CERS4: variants seen among roughly 807,000 people sequenced by gnomAD.
The protein encoded by CERS4 is LAG1 homolog, ceramide synthase 4.
A neutral mutation model predicts 51.8 loss-of-function variants in CERS4; 65 were observed. The ratio of observed to expected loss-of-function variants is 1.26; its 90% confidence interval spans 1.03 to 1.54. The LOEUF (loss-of-function observed/expected upper bound fraction) is 1.54, where lower values mean the gene tolerates loss of function less well. Among genes scored for constraint, CERS4 ranks in the 40% most tolerant of loss-of-function variants. The pLI is 0.00. For synonymous variants in CERS4, 228 were observed against 208.4 expected, an observed-to-expected ratio of 1.09 and a Z score of -0.81; for missense variants, 563 against 500.4, an observed-to-expected ratio of 1.13 and a Z score of -1.19.
At chr19:8,238,485 C>A in intron 2 of CERS4, 1 of 984,658 alleles carries the variant, frequency 1.0e-6, no homozygotes, top group Non-Finnish European at 1.2e-6. Flanking sequence ...GGGAATCATA[C>A]CATCTGGATG....
rs370770957 is a variant in CERS4, at chr19:8,255,811, C to G, written c.411-11C>G. ...TGTCTGCTATTTTCACAGCTCCCTC[C>G]CCATCCACAGCTGGAGGTTTCTCTT... On this transcript the variant is annotated splice_polypyrimidine_tract_variant and intron_variant, in intron 5 of 11. Coordinates refer to ENST00000251363, the MANE Select transcript of CERS4 (RefSeq NM_024552.3). 32 of 1,613,810 alleles carry G rather than the reference C, an allele frequency of 2.0e-5. No homozygotes were observed. The highest frequency in any genetic ancestry group is 2.6e-5 in the Non-Finnish European group (31 of 1,180,004).
chr19:8,245,243 A>T (rs139284140), intron 2 of CERS4, among the ~76,000 whole-genome samples: 2,197 of 148,404 alleles, frequency 0.015, 24 homozygotes, highest in Middle Eastern at 0.045. Flanking sequence ...ATATATTTTT[A>T]TTTTTTATTG....
intron 2 of CERS4, among the ~76,000 whole-genome samples, chr19:8,236,456 CCAAGG>C: frequency 6.6e-6 from 1 of 151,880 alleles, no homozygotes. Context: ...CTTTGGGAGG[CCAAGG>C]CAAGAGGAAC....
intron 2 of CERS4, among the ~76,000 whole-genome samples, chr19:8,234,033 G>A (rs917100058): frequency 3.3e-5 from 5 of 152,050 alleles, no homozygotes; most frequent in South Asian, 2.1e-4. Flanking sequence ...TCGGCTGGGC[G>A]TGGTGGCTCA....
intron 7 of CERS4, 95 bp from the exon 8 acceptor site, chr19:8,256,523 C>G: frequency 8.2e-7 from 1 of 1,223,550 alleles, no homozygotes; most frequent in Admixed American, 2.2e-5. Flanking sequence ...ATTCAAGTAT[C>G]CTGGTTTTGA....
At chr19:8,260,096 T>G (rs1356619683) in intron 10 of CERS4, among the ~76,000 whole-genome samples, 1 of 151,926 alleles carries the variant, frequency 6.6e-6, no homozygotes, top group Non-Finnish European at 1.5e-5. Flanking sequence ...CAACCTGTTG[T>G]GCCAGCTGGT....
intron 2 of CERS4, among the ~76,000 whole-genome samples, chr19:8,218,612 G>A (rs915016484): frequency 3.3e-5 from 5 of 152,148 alleles, no homozygotes; most frequent in African/African-American, 4.8e-5. Flanking sequence ...GGGAGCCTCC[G>A]AGGAGATCTT....
chr19:8,211,354 C>T (rs1395402004), intron 2 of CERS4, among the ~76,000 whole-genome samples: 1 of 152,154 alleles, frequency 6.6e-6, no homozygotes, highest in Non-Finnish European at 1.5e-5. Context: ...ACAAGCTTCT[C>T]CCTTTCCGAC....
intron 3 of CERS4, among the ~76,000 whole-genome samples, chr19:8,253,398 C>T (rs1003254139): frequency 6.6e-6 from 1 of 151,604 alleles, no homozygotes; most frequent in African/African-American, 2.4e-5. Context: ...TACCTGGGTA[C>T]CCCAAGAGTT....
chr19:8,250,354 TAAC>T (rs1209808622), intron 2 of CERS4, among the ~76,000 whole-genome samples: 2 of 152,218 alleles, frequency 1.3e-5, no homozygotes, highest in African/African-American at 4.8e-5. Flanking sequence ...TGCAGAGTAA[TAAC>T]TACTATTTTG....
intron 2 of CERS4, among the ~76,000 whole-genome samples, chr19:8,231,851 A>ATTTTTTTTTTTT (rs3042169): frequency 4.1e-4 from 43 of 104,402 alleles, no homozygotes; most frequent in African/African-American, 5.0e-4. Flanking sequence ...TGTGCCCAGC[A>ATTTTTTTTTTTT]TTTTTTTTTT....
chr19:8,237,987 C>A (rs1325425546), intron 2 of CERS4, among the ~76,000 whole-genome samples: 3 of 152,100 alleles, frequency 2.0e-5, no homozygotes, highest in Admixed American at 6.6e-5. Context: ...CCTCACACTC[C>A]CACGTGTATA....
chr19:8,213,862 A>G (rs1236111588), intron 2 of CERS4, among the ~76,000 whole-genome samples: 1 of 152,146 alleles, frequency 6.6e-6, no homozygotes, highest in Non-Finnish European at 1.5e-5. Context: ...GCTACTTGGG[A>G]GGTTGAGACA....
chr19:8,254,537 G>A lies in CERS4; in HGVS notation c.212G>A (p.Arg71Lys), dbSNP rs759103145. The change falls in exon 4 of 12, where the codon AGG becomes AAG. Residue 71 changes from arginine to lysine, a missense_variant. Physicochemically the swap from Arg to Lys is conservative, Grantham distance 26. Coordinates refer to ENST00000251363, the MANE Select transcript of CERS4 (RefSeq NM_024552.3). ...GLPLSRWLGV[R>K]DQTRRQVKPN... ...CCCCTGAGCCGGTGGCTGGGTGTGA[G>A]GGATCAGACCAGGAGGCAAGTGAAG... The A allele has an allele frequency of 4.3e-6, 7 of 1,613,662 alleles. No homozygotes were observed. Among genetic ancestry groups the A allele is most frequent in the Non-Finnish European group, 5.9e-6 (7 of 1,179,974 alleles).
At chr19:8,255,999 C>A (rs149921379) in intron 6 of CERS4, 120 bp downstream of exon 6, 20,391 of 1,165,240 alleles carry the variant, frequency 0.017, 240 homozygotes, top group Non-Finnish European at 0.022. Flanking sequence ...GAGGAGAGAG[C>A]GAGCTTTGCA....
chr19:8,261,862 CG>C lies in CERS4; in HGVS notation c.1005+23del, dbSNP rs766530639. 1 of 1,613,880 alleles carries C rather than the reference CG, an allele frequency of 6.2e-7. No homozygotes were observed. The highest frequency in any genetic ancestry group is 8.5e-7 in the Non-Finnish European group (1 of 1,179,812). On this transcript the variant is annotated intron_variant, in intron 11 of 11. Coordinates refer to ENST00000251363, the MANE Select transcript of CERS4 (RefSeq NM_024552.3). ...AGGGCCAGGTATGGCTGGACCTCCC[CG>C]GGGGCCCCAGCCCTAAGCTCCTCCT...
chr19:8,232,288 C>G (rs116275302), intron 2 of CERS4, among the ~76,000 whole-genome samples: 2,059 of 151,780 alleles, frequency 0.014, 40 homozygotes, highest in African/African-American at 0.047. Context: ...AATTTTATTT[C>G]TTTTTTCTTT....
At chr19:8,248,010 A>G (rs976851748) in intron 2 of CERS4, among the ~76,000 whole-genome samples, 1 of 152,174 alleles carries the variant, frequency 6.6e-6, no homozygotes, top group Non-Finnish European at 1.5e-5. Flanking sequence ...CTGGGATTAC[A>G]GGTGTGAGCC....
chr19:8,258,029 G>A, intron 10 of CERS4, 44 bp downstream of exon 10: 1 of 1,445,942 alleles, frequency 6.9e-7, no homozygotes, highest in Middle Eastern at 1.7e-4. Flanking sequence ...GGGAGGGCGT[G>A]TCTGAGATTC....
Sources: gnomAD v4.1 joint callset for allele counts (sites outside exome capture counted in the v4.1 genomes callset) on GRCh38, gnomAD v4.1.1 for gene constraint, MANE v1.5 for transcripts, NCBI Gene and HGNC (gene_info 2026-07-23, HGNC 2026-07-21) for gene names.